Variants in POLA1 observed in about 807,000 individuals in gnomAD.
POLA1 encodes DNA polymerase alpha 1, catalytic subunit.
POLA1 carries 15 observed loss-of-function variants against 124.0 expected under a neutral mutation model. The observed-to-expected ratio is 0.12, with a 90% confidence interval of 0.08 to 0.19. The LOEUF (loss-of-function observed/expected upper bound fraction) is 0.19. Ranked by LOEUF, POLA1 falls within the 10% of genes least tolerant of loss-of-function variation. The probability of loss-of-function intolerance (pLI) is 1.00; values close to 1 mark genes in which losing one functional copy is unlikely to be tolerated. For synonymous variants in POLA1, 408 were observed against 389.4 expected (o/e 1.05, Z -0.56); for missense variants, 886 against 1,103.4 (o/e 0.80, Z 2.79).
At chrX:24,873,755 C>G (rs768065751) in intron 34 of POLA1, among the ~76,000 whole-genome samples, 5 of 111,525 alleles carry the variant, frequency 4.5e-5, no homozygotes, top group Non-Finnish European at 7.5e-5. Flanking sequence ...GGAGGATTGC[C>G]TGGGCAATAT....
intron 34 of POLA1, among the ~76,000 whole-genome samples, chrX:24,854,720 T>C (rs2046619529): frequency 9.1e-6 from 1 of 110,174 alleles, no homozygotes; most frequent in African/African-American, 3.3e-5. Context: ...TCCTAGCTAC[T>C]TGGGAGGCTG....
At chrX:24,706,436 G>A (rs1048224648) in intron 4 of POLA1, among the ~76,000 whole-genome samples, 5 of 112,044 alleles carry the variant, frequency 4.5e-5, no homozygotes, top group African/African-American at 1.6e-4. Flanking sequence ...CCAGATATGG[G>A]AGATGGATGT....
At chrX:24,853,307 C>T (rs2046589551) in intron 34 of POLA1, among the ~76,000 whole-genome samples, 1 of 111,773 alleles carries the variant, frequency 8.9e-6, no homozygotes, top group Non-Finnish European at 1.9e-5. Flanking sequence ...CTTTTTTTGT[C>T]ACTACACCAA....
chrX:24,958,743 C>A (rs1400478199), intron 36 of POLA1, among the ~76,000 whole-genome samples: 2 of 111,868 alleles, frequency 1.8e-5, no homozygotes, highest in African/African-American at 6.5e-5. Flanking sequence ...ACTGAGATGC[C>A]AGCAGTCATT....
chrX:24,948,349 C>G (rs1227882494), intron 36 of POLA1, among the ~76,000 whole-genome samples: 2 of 58,751 alleles, frequency 3.4e-5, no homozygotes, highest in South Asian at 7.1e-4. Flanking sequence ...ATGCTACTTT[C>G]TGTTTTTTTT....
chrX:24,723,130 T>C (rs749378123), intron 10 of POLA1, 25 bp from the exon 11 acceptor site: 1 of 1,030,603 alleles, frequency 9.7e-7, no homozygotes, highest in Admixed American at 2.2e-5. Flanking sequence ...GTTTCTTTTC[T>C]CGTGATTTTC....
intron 26 of POLA1, among the ~76,000 whole-genome samples, chrX:24,768,853 G>A (rs1011315202): frequency 5.4e-5 from 6 of 111,878 alleles, no homozygotes; most frequent in African/African-American, 2.0e-4. Context: ...TTTACATGCA[G>A]TGTAATGAAG....
chrX:24,808,499 G>A (rs914546135), intron 26 of POLA1, among the ~76,000 whole-genome samples: 2 of 84,921 alleles, frequency 2.4e-5, no homozygotes, highest in Non-Finnish European at 2.2e-5. Flanking sequence ...GAAAACTGTT[G>A]GGGCCAGATA....
intron 36 of POLA1, among the ~76,000 whole-genome samples, chrX:24,979,274 A>G (rs1324820901): frequency 8.9e-6 from 1 of 112,219 alleles, no homozygotes; most frequent in African/African-American, 3.2e-5. Context: ...ACTGAGTCAT[A>G]CCAGGTCACT....
rs182021406 is a variant in POLA1, at chrX:24,785,605, C to T, written c.2965-24293C>T. On this transcript the variant is annotated intron_variant, in intron 26 of 36. Coordinates refer to ENST00000379068, the MANE Select transcript of POLA1 (RefSeq NM_001330360.2). ...TTGAATGTATGTTTAATCCCTTTTT[C>T]ACTTTTAAAAGTCATTACTTTCTTG... Among the ~76,000 whole-genome samples, 95 of 112,387 alleles carry T rather than the reference C, an allele frequency of 8.5e-4. 1 individual carries two copies. The highest frequency in any genetic ancestry group is 9.2e-3 in the Middle Eastern group (2 of 217).
chrX:24,858,830 AC>A (rs1344206259), intron 34 of POLA1, among the ~76,000 whole-genome samples: 1 of 112,350 alleles, frequency 8.9e-6, no homozygotes, highest in Admixed American at 9.4e-5. Flanking sequence ...CTGCTCTCAC[AC>A]ACCAAAAGTA....
At chrX:24,908,533 G>C (rs1261277385) in intron 35 of POLA1, among the ~76,000 whole-genome samples, 2 of 109,167 alleles carry the variant, frequency 1.8e-5, no homozygotes, top group Non-Finnish European at 3.8e-5. Flanking sequence ...ATGGTTTCCA[G>C]CTTCATGCAT....
At chrX:24,755,392 GGTCA>G (rs1490301553) in intron 26 of POLA1, among the ~76,000 whole-genome samples, 1 of 111,394 alleles carries the variant, frequency 9.0e-6, no homozygotes, top group Non-Finnish European at 1.9e-5. Context: ...TTTATTTTTT[GGTCA>G]GTCTCATGGG....
intron 35 of POLA1, among the ~76,000 whole-genome samples, chrX:24,919,817 T>G (rs2047587380): frequency 1.0e-5 from 1 of 95,997 alleles, no homozygotes; most frequent in Non-Finnish European, 2.0e-5. Flanking sequence ...TGTTTTTTTT[T>G]TTGTTTTTTT....
At chrX:24,899,190 C>G (rs997334626) in intron 35 of POLA1, among the ~76,000 whole-genome samples, 1 of 111,581 alleles carries the variant, frequency 9.0e-6, no homozygotes, top group African/African-American at 3.3e-5. Context: ...TATTAAGATC[C>G]GTGTGCTATA....
At chrX:24,978,214 A>G (rs1340611459) in intron 36 of POLA1, among the ~76,000 whole-genome samples, 1 of 111,607 alleles carries the variant, frequency 9.0e-6, no homozygotes, top group Admixed American at 9.5e-5. Context: ...TGCATTTTGA[A>G]TTTTGTCCAC....
intron 34 of POLA1, among the ~76,000 whole-genome samples, chrX:24,878,071 CTT>C (rs1260819866): frequency 1.8e-5 from 2 of 110,759 alleles, no homozygotes; most frequent in African/African-American, 6.6e-5. Flanking sequence ...AGCCAGATCT[CTT>C]GTCTACCCTT....
At chrX:24,718,748 T>C (rs1930010865) in intron 10 of POLA1, among the ~76,000 whole-genome samples, 1 of 111,395 alleles carries the variant, frequency 9.0e-6, no homozygotes, top group Non-Finnish European at 1.9e-5. Flanking sequence ...TGTAGGGTAA[T>C]GGGGAAGTGT....
At chrX:24,739,331 T>C (rs1196855247) in intron 19 of POLA1, 44 bp from the exon 20 acceptor site, 1 of 967,904 alleles carries the variant, frequency 1.0e-6, no homozygotes, top group African/African-American at 2.0e-5. Context: ...ATGTTCTCAG[T>C]GTCTGCTCTT....
Sources: gnomAD v4.1 joint callset for allele counts (sites outside exome capture counted in the v4.1 genomes callset) on GRCh38, gnomAD v4.1.1 for gene constraint, MANE v1.5 for transcripts, NCBI Gene and HGNC (gene_info 2026-07-23, HGNC 2026-07-21) for gene names.